The following SAMD3 variants were observed in gnomAD, a reference collection of about 807,000 sequenced individuals.
The protein encoded by SAMD3 is sterile alpha motif domain containing 3.
Under a neutral mutation model 58.5 loss-of-function variants are expected in SAMD3, and 63 were observed. That is an observed-to-expected ratio of 1.08 (90% CI 0.88 to 1.33). SAMD3 has a LOEUF of 1.33. SAMD3 is among the 40% of genes most tolerant of loss of function. The pLI is 0.00. For synonymous variants in SAMD3, 220 were observed against 210.3 expected, an observed-to-expected ratio of 1.05 and a Z score of -0.40; for missense variants, 604 against 608.4, an observed-to-expected ratio of 0.99 and a Z score of 0.08.
intron 8 of SAMD3, among the ~76,000 whole-genome samples, chr6:130,164,397 C>G (rs1388126122): frequency 6.6e-6 from 1 of 152,150 alleles, no homozygotes; most frequent in Non-Finnish European, 1.5e-5. Flanking sequence ...GGCAGTAACT[C>G]TCATATATTT....
Position 130,176,048 on chromosome 6 carries a change from G to C in SAMD3, c.655-40C>G, listed in dbSNP as rs570845860. On this transcript the variant is annotated intron_variant, in intron 7 of 11. Transcript: ENST00000439090. ...AGACCAGTTAATCTTCAAGGAGATT[G>C]AGATAATCCTATATAAACAATACGT... The C allele has an allele frequency of 2.6e-6, 4 of 1,513,602 alleles. No individual in the cohort carries two copies. The African/African-American group carries it at 5.5e-5, about 21-fold the overall frequency. The allele number at this position is 1,513,602 out of a possible 1,614,324, so 93.8% of individuals were successfully genotyped here.
At chr6:130,145,681 C>T (rs1231891880) in intron 10 of SAMD3, among the ~76,000 whole-genome samples, 13 of 152,118 alleles carry the variant, frequency 8.5e-5, no homozygotes, top group Admixed American at 8.5e-4. Context: ...ATTTATGCTG[C>T]CCCTTGTGAT....
chr6:130,257,389 T>C (rs555217337), intron 2 of SAMD3, among the ~76,000 whole-genome samples: 1 of 152,150 alleles, frequency 6.6e-6, no homozygotes, highest in East Asian at 1.9e-4. Context: ...GTCTCATGAC[T>C]GCATTGACCT....
chr6:130,154,867 C>T lies in SAMD3; in HGVS notation c.981G>A (p.Lys327=), dbSNP rs764640193. 2 of 1,612,904 alleles carry T rather than the reference C, an allele frequency of 1.2e-6. No homozygotes were observed. The highest frequency in any genetic ancestry group is 1.7e-5 in the Admixed American group (1 of 59,872). The change falls in exon 9 of 12, where the codon AAG becomes AAA. Residue 327 remains lysine, a synonymous_variant. Transcript: ENST00000439090. ...RKMIGSRTPL[K]DILKLFPFLK... ...AGAAAGGAAACAGTTTAAGAATGTC[C>T]TTCAGAGGTGTTCGGCTGCCAATCA... is the stretch of plus-strand genomic sequence containing the variant.
intron 8 of SAMD3, chr6:130,161,908 T>G (rs773689522): frequency 1.2e-4 from 24 of 202,258 alleles, no homozygotes; most frequent in Non-Finnish European, 2.4e-4. Context: ...CTGCTGACTG[T>G]TGACTTCAAG....
intron 5 of SAMD3, among the ~76,000 whole-genome samples, chr6:130,185,532 T>C (rs1303628663): frequency 6.6e-6 from 1 of 151,942 alleles, no homozygotes; most frequent in East Asian, 1.9e-4. Context: ...TTTCACCATG[T>C]TGGCCAGGAT....
chr6:130,162,221 A>C, intron 8 of SAMD3: 2 of 700,926 alleles, frequency 2.9e-6, no homozygotes, highest in Non-Finnish European at 5.2e-6. Context: ...GCTCTCACAG[A>C]GTTGGTTGTA....
chr6:130,264,090 C>G (rs376499286), intron 2 of SAMD3, among the ~76,000 whole-genome samples: 11 of 152,304 alleles, frequency 7.2e-5, no homozygotes, highest in African/African-American at 2.4e-4. Context: ...TAAACAAAAG[C>G]AATTGTTATG....
intron 2 of SAMD3, among the ~76,000 whole-genome samples, chr6:130,293,342 T>C (rs932114670): frequency 6.6e-6 from 1 of 152,194 alleles, no homozygotes; most frequent in Non-Finnish European, 1.5e-5. Flanking sequence ...ACTGAGGCTA[T>C]TGATGAAAAG....
intron 2 of SAMD3, among the ~76,000 whole-genome samples, chr6:130,312,810 T>C (rs1776223592): frequency 6.6e-6 from 1 of 151,962 alleles, no homozygotes; most frequent in South Asian, 2.1e-4. Context: ...CACACACACA[T>C]ATCTTTTGTT....
chr6:130,221,026 T>C (rs6569666), intron 1 of SAMD3, among the ~76,000 whole-genome samples: 50,588 of 151,814 alleles, frequency 0.33, 9,054 homozygotes, highest in East Asian at 0.64. Context: ...GCTAATTTTT[T>C]TGTGTTTTTA....
rs1444494681 is a variant in SAMD3, at chr6:130,326,366, C to CCTT, written c.-303-13274_-303-13273insAAG. Among the ~76,000 whole-genome samples the CCTT allele has an allele frequency of 4.0e-4, 45 of 113,254 alleles. 1 individual carries two copies. The highest frequency in any genetic ancestry group is 1.5e-3 in the African/African-American group (39 of 26,490). The allele number at this position is 113,254 out of a possible 152,430, so 74.3% of individuals were successfully genotyped here. A position where few individuals can be genotyped will look rare whatever the true frequency, so the allele number is the denominator to read the frequency against. On this transcript the variant is annotated intron_variant, in intron 1 of 13. Coordinates refer to the SAMD3 transcript ENST00000368134. ...GTTTCCATCTCTAGAAATGCCTGGT[C>CCTT]ATTTTTTTTTTTTTTTTGCAAACTT... is the stretch of plus-strand genomic sequence containing the variant.
intron 5 of SAMD3, among the ~76,000 whole-genome samples, chr6:130,197,996 T>C (rs1794297314): frequency 6.6e-6 from 1 of 152,146 alleles, no homozygotes; most frequent in Non-Finnish European, 1.5e-5. Flanking sequence ...TGGCTCATCC[T>C]GGCTCAAAAG....
intron 2 of SAMD3, among the ~76,000 whole-genome samples, chr6:130,247,936 G>A (rs1463074568): frequency 6.6e-6 from 1 of 151,990 alleles, no homozygotes; most frequent in African/African-American, 2.4e-5. Flanking sequence ...TGCGTCTTCT[G>A]TTTCTTTTAT....
intron 5 of SAMD3, among the ~76,000 whole-genome samples, chr6:130,204,586 G>C (rs1048501415): frequency 7.5e-6 from 1 of 133,140 alleles, no homozygotes; most frequent in Non-Finnish European, 1.6e-5. Context: ...GACAGAACGA[G>C]ACCCTATCTC....
At chr6:130,267,761 C>T (rs1774412610) in intron 2 of SAMD3, among the ~76,000 whole-genome samples, 1 of 152,148 alleles carries the variant, frequency 6.6e-6, no homozygotes, top group South Asian at 2.1e-4. Flanking sequence ...CTGGTCTGTT[C>T]TGTTTCACTC....
chr6:130,311,188 C>T (rs994743123), intron 2 of SAMD3, among the ~76,000 whole-genome samples: 1 of 152,116 alleles, frequency 6.6e-6, no homozygotes, highest in East Asian at 1.9e-4. Context: ...TATAATTGAG[C>T]CTTTTCTATT....
intron 2 of SAMD3, among the ~76,000 whole-genome samples, chr6:130,249,380 G>A (rs2114907001): frequency 6.6e-6 from 1 of 152,008 alleles, no homozygotes; most frequent in South Asian, 2.1e-4. Flanking sequence ...GAAAAGAAAT[G>A]GTGTCTGGGA....
At chr6:130,344,019 C>A (rs1178221480) in intron 1 of SAMD3, among the ~76,000 whole-genome samples, 1 of 151,754 alleles carries the variant, frequency 6.6e-6, no homozygotes, top group African/African-American at 2.4e-5. Context: ...CAATAACCCC[C>A]ATAAGAGAGT....
Sources: allele counts gnomAD v4.1 joint callset (sites outside exome capture counted in the v4.1 genomes callset), GRCh38; gene constraint gnomAD v4.1.1; transcripts MANE v1.5; gene names NCBI Gene and HGNC (gene_info 2026-07-23, HGNC 2026-07-21).